Variants in SARS1 observed in about 807,000 individuals in gnomAD.
The protein encoded by SARS1 is serine--tRNA ligase, cytoplasmic.
Under a neutral mutation model 63.7 loss-of-function variants are expected in SARS1, and 25 were observed. The observed-to-expected ratio is 0.39, with a 90% CI of 0.29 to 0.55. SARS1 has a LOEUF of 0.55. Ranked by LOEUF, SARS1 falls within the 20% of genes least tolerant of loss-of-function variation. The probability of loss-of-function intolerance (pLI) is 0.62; values close to 1 mark genes in which losing one functional copy is unlikely to be tolerated. For synonymous variants in SARS1, 231 were observed against 243.5 expected, an observed-to-expected ratio of 0.95 and a Z score of 0.48; for missense variants, 417 against 649.7, an observed-to-expected ratio of 0.64 and a Z score of 3.89.
intron 4 of SARS1, among the ~76,000 whole-genome samples, chr1:109,230,297 C>A (rs950900449): frequency 1.3e-5 from 2 of 151,786 alleles, no homozygotes; most frequent in Admixed American, 1.3e-4. Context: ...CAAAAAAAAC[C>A]CCCGAGAGAA....
chr1:109,222,043 T>C (rs1654960483), intron 1 of SARS1, among the ~76,000 whole-genome samples: 1 of 105,062 alleles, frequency 9.5e-6, no homozygotes, highest in South Asian at 3.4e-4. Context: ...TTTTTTTTTT[T>C]TGTAGAGACA....
At position 109,236,056 on chromosome 1, in the gene SARS1, A is replaced by C. The variant is rs1204044609; in HGVS notation, c.1049A>C (p.Glu350Ala). The C allele has an allele frequency of 6.2e-7, 1 of 1,614,006 alleles. No individual in the cohort carries two copies. Among genetic ancestry groups the C allele is most frequent in the Non-Finnish European group, 8.5e-7 (1 of 1,179,928 alleles). The stretch of plus-strand genomic sequence containing the variant: ...GAAGAGATGATTACCACCGCAGAGG[A>C]GTTCTACCAGTCCCTGGGGATTCCT... ...MFEEMITTAE[E>A]FYQSLGIPYH... Residue 350 changes from glutamate (E) to alanine (A), a missense_variant, in exon 8 of 11, where the codon GAG (glutamate) becomes GCG (alanine). Physicochemically the swap from Glu to Ala is moderately radical, Grantham distance 107. Coordinates refer to ENST00000234677, the MANE Select transcript of SARS1 (RefSeq NM_006513.4).
chr1:109,213,974 T>C lies in SARS1; in HGVS notation c.-19T>C, dbSNP rs2101176583. The C allele has an allele frequency of 6.2e-7, 1 of 1,603,362 alleles. No individual in the cohort carries two copies. Among genetic ancestry groups the C allele is most frequent in the Non-Finnish European group, 8.5e-7 (1 of 1,174,082 alleles). ...GCGCGATCCTTGCTTCCCTGAGCGT[T>C]GGCCCGGGAGGAAAGAAGATGGTGC... On this transcript the variant is annotated 5_prime_UTR_variant, in exon 1 of 11. Transcript: ENST00000234677.
rs199701746 is a variant in SARS1 at position 109,235,454 on chromosome 1, G to A, written c.969+23G>A. On this transcript the variant is annotated intron_variant, in intron 7 of 10. Coordinates refer to ENST00000234677, the MANE Select transcript of SARS1 (RefSeq NM_006513.4). The surrounding 1 kb of genome is among the most constrained non-coding windows in gnomAD (Gnocchi z 4.7). ...AAGGTGAGTAGATGGGTCAGGGTAAGGAGTGGAACTTTCTCTGTCTCCAGA... is the reference window on the plus strand; with the variant it reads ...AAGGTGAGTAGATGGGTCAGGGTAAAGAGTGGAACTTTCTCTGTCTCCAGA... The A allele has an allele frequency of 1.9e-4, 299 of 1,576,580 alleles. 1 individual carries two copies. The African/African-American group carries it at 3.1e-3, about 16-fold the overall frequency.
Position 109,235,840 on chromosome 1 carries a change from G to T in SARS1, c.970-137G>T. 2.5e-6 allele frequency: 2 copies of T among 795,128 alleles called. No individual in the cohort carries two copies. Among genetic ancestry groups the T allele is most frequent in the Non-Finnish European group, 4.1e-6 (2 of 493,698 alleles). 49.3% of individuals were successfully genotyped at this position (795,128 alleles called of 1,614,324 possible). A position where few individuals can be genotyped will look rare whatever the true frequency, so the allele number is the denominator to read the frequency against. ...CATAAGCATTTGCTCTTGTGGTCCA[G>T]TCCCAGTTGCTGGGGGCCCAGACTT... On this transcript the variant is annotated intron_variant, in intron 7 of 10. Coordinates refer to ENST00000234677, the MANE Select transcript of SARS1 (RefSeq NM_006513.4). This position sits in a 1 kb window ranked among gnomAD's most constrained non-coding sequence, Gnocchi z 4.7.
chr1:109,221,954 A>ATT (rs372600041), intron 1 of SARS1, among the ~76,000 whole-genome samples: 25,020 of 88,852 alleles, frequency 0.28, 4,619 homozygotes, highest in East Asian at 0.51. Flanking sequence ...TGCTCAGCTA[A>ATT]TTTTTTTGTG....
At position 109,235,855 on chromosome 1, in the gene SARS1, G is replaced by A. The variant is rs1465521564; in HGVS notation, c.970-122G>A. 8.6e-6 allele frequency: 8 copies of A among 931,314 alleles called. No homozygotes were observed. The highest frequency in any genetic ancestry group is 6.5e-5 in the South Asian group (4 of 61,588). The allele number at this position is 931,314 out of a possible 1,614,324, so 57.7% of individuals were successfully genotyped here. On this transcript the variant is annotated intron_variant, in intron 7 of 10. Coordinates refer to ENST00000234677, the MANE Select transcript of SARS1 (RefSeq NM_006513.4). The surrounding 1 kb of genome is among the most constrained non-coding windows in gnomAD (Gnocchi z 4.7). ...TTGTGGTCCAGTCCCAGTTGCTGGGGGCCCAGACTTGCCTGCCTCCCAGTG... is the reference window on the plus strand; with the variant it reads ...TTGTGGTCCAGTCCCAGTTGCTGGGAGCCCAGACTTGCCTGCCTCCCAGTG...
chr1:109,217,122 G>C (rs1654808123), intron 1 of SARS1: 1 of 985,290 alleles, frequency 1.0e-6, no homozygotes, highest in Non-Finnish European at 1.2e-6. Context: ...CTTTAGAGCA[G>C]CACTGTCTGA....
intron 1 of SARS1, among the ~76,000 whole-genome samples, chr1:109,220,171 T>TATG (rs1654898341): frequency 6.6e-6 from 1 of 152,254 alleles, no homozygotes; most frequent in South Asian, 2.1e-4. Context: ...GATAAGAACA[T>TATG]ATGTACATTC....
intron 1 of SARS1, among the ~76,000 whole-genome samples, chr1:109,221,133 T>C (rs1460609260): frequency 6.6e-6 from 1 of 151,538 alleles, no homozygotes; most frequent in Admixed American, 6.6e-5. Context: ...TGACCTCAGC[T>C]CACTGCAACC....
chr1:109,225,497 A>G (rs144321411), intron 2 of SARS1, among the ~76,000 whole-genome samples: 61 of 152,310 alleles, frequency 4.0e-4, no homozygotes, highest in South Asian at 1.9e-3. Context: ...TATTTTTTGA[A>G]GCAAGAAGAT....
chr1:109,227,195 A>T (rs1325285903), intron 2 of SARS1, among the ~76,000 whole-genome samples: 1 of 151,650 alleles, frequency 6.6e-6, no homozygotes, highest in Non-Finnish European at 1.5e-5. Flanking sequence ...GGGTTTCACC[A>T]TCTTGGTCAG....
Position 109,213,932 on chromosome 1 carries a change from A to G in SARS1, c.-61A>G. The G allele has an allele frequency of 6.5e-7, 1 of 1,527,908 alleles. No homozygotes were observed. The allele number at this position is 1,527,908 out of a possible 1,614,324, so 94.6% of individuals were successfully genotyped here. On this transcript the variant is annotated 5_prime_UTR_variant, in exon 1 of 11. Transcript: ENST00000234677. Reference sequence around the variant, plus strand: ...AGCGCGCCGGCGCAGTGCGGCGGTCACAGGCTGAGTGCTGCGGCGCGATCC... The same window carrying G: ...AGCGCGCCGGCGCAGTGCGGCGGTCGCAGGCTGAGTGCTGCGGCGCGATCC...
At chr1:109,232,220 A>G (rs1655225227) in intron 6 of SARS1, among the ~76,000 whole-genome samples, 1 of 152,188 alleles carries the variant, frequency 6.6e-6, no homozygotes, top group South Asian at 2.1e-4. Flanking sequence ...AGGGTGAGAC[A>G]TACTTGCCTT....
At chr1:109,215,975 A>G in intron 1 of SARS1, 1 of 953,548 alleles carries the variant, frequency 1.0e-6, no homozygotes. Context: ...AAGTGCTGGG[A>G]TTACAGGTGT....
intron 2 of SARS1, among the ~76,000 whole-genome samples, chr1:109,226,032 G>A (rs1431515246): frequency 6.6e-6 from 1 of 151,304 alleles, no homozygotes; most frequent in Non-Finnish European, 1.5e-5. Context: ...TCATTTTATT[G>A]CCCAGGCTGG....
chr1:109,219,902 C>G (rs1195135902), intron 1 of SARS1, among the ~76,000 whole-genome samples: 1 of 152,160 alleles, frequency 6.6e-6, no homozygotes, highest in Admixed American at 6.5e-5. Flanking sequence ...CTATATAATA[C>G]TCCATTATGT....
Position 109,229,463 on chromosome 1 carries a change from C to T in SARS1, c.338C>T (p.Ala113Val), listed in dbSNP as rs1472705384. 1 of 1,614,168 alleles carries T rather than the reference C, an allele frequency of 6.2e-7. No individual in the cohort carries two copies. Among genetic ancestry groups the T allele is most frequent in the South Asian group, 1.1e-5 (1 of 91,078 alleles). Residue 113 changes from alanine (A) to valine (V), a missense_variant, in exon 4 of 11, where the codon GCC becomes GTC. Around this residue, in one of 3 missense-constraint regions of SARS1, gnomAD observed 359 missense variants for 529.6 expected, o/e 0.68. Coordinates refer to ENST00000234677, the MANE Select transcript of SARS1 (RefSeq NM_006513.4). ...IKKVRLLIDE[A>V]ILKCDAERIK... ...AAAGTCCGACTCCTCATTGATGAAG[C>T]CATCCTGAAGTGTGACGCGGAGCGG...
chr1:109,236,995 C>A, intron 9 of SARS1: 1 of 1,324,014 alleles, frequency 7.6e-7, no homozygotes, highest in South Asian at 1.5e-5. Flanking sequence ...TCAAAGGGCC[C>A]AACTCTCAGA....
Sources: allele counts gnomAD v4.1 joint callset (sites outside exome capture counted in the v4.1 genomes callset), GRCh38; gene constraint gnomAD v4.1.1; regional missense constraint gnomAD v4.1.1; non-coding constraint Gnocchi (gnomAD v3.1); transcripts MANE v1.5; gene names NCBI Gene and HGNC (gene_info 2026-07-23, HGNC 2026-07-21).